The following PHF3 variants were observed in gnomAD, a reference collection of about 807,000 sequenced individuals.
The protein encoded by PHF3 is PHD finger protein 3.
Under a neutral mutation model 178.4 loss-of-function variants are expected in PHF3, and 41 were observed. The ratio of observed to expected loss-of-function variants is 0.23; its 90% confidence interval spans 0.18 to 0.30. The LOEUF (loss-of-function observed/expected upper bound fraction) is 0.30. PHF3 is among the 10% of genes least tolerant of loss of function. PHF3 has a pLI of 1.00. For synonymous variants in PHF3, 842 were observed against 800.5 expected, an observed-to-expected ratio of 1.05 and a Z score of -0.88; for missense variants, 2,346 against 2,398.1, an observed-to-expected ratio of 0.98 and a Z score of 0.45.
Position 63,685,735 on chromosome 6 carries a change from A to G in PHF3, c.2013A>G (p.Gln671=). 1 of 1,613,942 alleles carries G rather than the reference A, an allele frequency of 6.2e-7. No individual in the cohort carries two copies. The highest frequency in any genetic ancestry group is 8.5e-7 in the Non-Finnish European group (1 of 1,180,014). Residue 671 remains glutamine, a synonymous_variant, in exon 4 of 16, where the codon CAA becomes CAG. Coordinates refer to ENST00000262043, the MANE Select transcript of PHF3 (RefSeq NM_001370348.2). ...TGAAAAAACCTGAGAAGAACCTACAACCCCGCCAAAGAAGAAGCAGCAAAA... is the reference window on the plus strand; with the variant it reads ...TGAAAAAACCTGAGAAGAACCTACAGCCCCGCCAAAGAAGAAGCAGCAAAA... ...LKLKKPEKNL[Q]PRQRRSSKSF...
chr6:63,706,241 T>C lies in PHF3; in HGVS notation c.3563+17T>C. The stretch of plus-strand genomic sequence containing the variant: ...TGCTCCACGGTAATTTTCTCTGTTG[T>C]AAATTCTGTAATACTCATTATAGAT... On this transcript the variant is annotated intron_variant, in intron 12 of 15. Coordinates refer to ENST00000262043, the MANE Select transcript of PHF3 (RefSeq NM_001370348.2). 1 of 1,575,904 alleles carries C rather than the reference T, an allele frequency of 6.3e-7. No homozygotes were observed.
chr6:63,701,204 C>T (rs753412364), intron 9 of PHF3, among the ~76,000 whole-genome samples: 6 of 152,174 alleles, frequency 3.9e-5, no homozygotes, highest in East Asian at 3.9e-4. Flanking sequence ...AAGTTATTTT[C>T]GCATAACTAA....
Position 63,713,314 on chromosome 6 carries a change from T to A in PHF3, c.5726T>A (p.Leu1909Gln), listed in dbSNP as rs1466548001. ...TGGGGTAGGCAAGACCAACAGCAAC[T>A]GGATAGGCCATTTAATAGGGGTAAA... is the stretch of plus-strand genomic sequence containing the variant. Reference protein sequence around the residue: ...DPWGRQDQQQLDRPFNRGKGD... With the variant: ...DPWGRQDQQQQDRPFNRGKGD... Residue 1909 changes from leucine to glutamine, a missense_variant, in exon 16 of 16, where the codon CTG (leucine) becomes CAG (glutamine). By Grantham distance (113) the Leu-to-Gln change is moderately radical. Transcript: ENST00000262043. The A allele has an allele frequency of 6.2e-7, 1 of 1,614,016 alleles. No homozygotes were observed. The highest frequency in any genetic ancestry group is 1.1e-5 in the South Asian group (1 of 91,078).
At chr6:63,651,045 C>T (rs894459350) in intron 2 of PHF3, among the ~76,000 whole-genome samples, 2 of 151,998 alleles carry the variant, frequency 1.3e-5, no homozygotes, top group African/African-American at 4.8e-5. Flanking sequence ...TTTTTTAAAG[C>T]TTCTGTGCTT....
At position 63,723,860 on chromosome 6, in the gene PHF3, C is replaced by A. The variant is rs1284834001; in HGVS notation, c.*10152C>A. On this transcript the variant is annotated 3_prime_UTR_variant, in exon 16 of 16. Transcript: ENST00000262043. The stretch of plus-strand genomic sequence containing the variant: ...TTTTGAGACCAGAGTCCTGCTCTGT[C>A]CCCCAAGCTGGAGTGCAATGGTGCA... Among the ~76,000 whole-genome samples, 2 of 150,560 alleles carry A rather than the reference C, an allele frequency of 1.3e-5. No homozygotes were observed. Among genetic ancestry groups the A allele is most frequent in the Non-Finnish European group, 3.0e-5 (2 of 67,716 alleles).
intron 2 of PHF3, among the ~76,000 whole-genome samples, chr6:63,651,743 T>C (rs1765027747): frequency 6.6e-6 from 1 of 152,154 alleles, no homozygotes; most frequent in Non-Finnish European, 1.5e-5. Context: ...TAATCACTAT[T>C]GTACTGTCTA....
Position 63,715,459 on chromosome 6 carries a change from CAATA to C in PHF3, c.*1755_*1758del, listed in dbSNP as rs1768158602. The C allele has an allele frequency of 6.6e-6, 1 of 152,118 alleles. No individual in the cohort carries two copies. Among genetic ancestry groups the C allele is most frequent in the South Asian group, 2.1e-4 (1 of 4,830 alleles). The allele number at this position is 152,118 out of a possible 1,614,324, so 9.4% of individuals were successfully genotyped here. ...TTTCAATTTCAAATGTGTATATCGT[CAATA>C]AATCTACCTTTACTGATATATCTGG... On this transcript the variant is annotated 3_prime_UTR_variant, in exon 16 of 16. Coordinates refer to ENST00000262043, the MANE Select transcript of PHF3 (RefSeq NM_001370348.2).
chr6:63,644,134 A>T (rs1398274417), intron 1 of PHF3, among the ~76,000 whole-genome samples: 1 of 152,162 alleles, frequency 6.6e-6, no homozygotes, highest in Non-Finnish European at 1.5e-5. Flanking sequence ...TTTTCAGTAG[A>T]TTCAGTATAC....
chr6:63,639,664 A>G (rs1764491029), intron 1 of PHF3, among the ~76,000 whole-genome samples: 1 of 152,214 alleles, frequency 6.6e-6, no homozygotes, highest in Non-Finnish European at 1.5e-5. Context: ...TGGGCAAATT[A>G]TGTAATTATC....
chr6:63,703,826 G>A (rs1305689315), intron 11 of PHF3, among the ~76,000 whole-genome samples, 155 bp downstream of exon 11: 7 of 152,150 alleles, frequency 4.6e-5, no homozygotes, highest in African/African-American at 1.7e-4. Context: ...CTGGTTTTCT[G>A]GGTTGAGGTA....
At chr6:63,653,983 A>C in intron 2 of PHF3, among the ~76,000 whole-genome samples, 1 of 152,154 alleles carries the variant, frequency 6.6e-6, no homozygotes, top group East Asian at 1.9e-4. Context: ...GATAAATGCT[A>C]CTTGATTGTG....
chr6:63,665,476 G>GTTTT (rs1469138723), intron 2 of PHF3, among the ~76,000 whole-genome samples: 20 of 108,454 alleles, frequency 1.8e-4, no homozygotes, highest in African/African-American at 7.5e-4. Flanking sequence ...TCGCTTTGTG[G>GTTTT]TTTTTTTTTG....
intron 2 of PHF3, among the ~76,000 whole-genome samples, chr6:63,651,928 C>T (rs1276428840): frequency 6.6e-6 from 1 of 152,088 alleles, no homozygotes; most frequent in African/African-American, 2.4e-5. Flanking sequence ...ATATATACCA[C>T]ATTTTCTTAT....
chr6:63,713,512 C>T lies in PHF3; in HGVS notation c.5924C>T (p.Ser1975Leu). Reference protein sequence around the residue: ...GHKDKERARLSHGDRGTDGKA... With the variant: ...GHKDKERARLLHGDRGTDGKA... ...AAAGATAAAGAGAGGGCACGGTTAT[C>T]ACATGGTGATCGAGGAACAGATGGA... is the stretch of plus-strand genomic sequence containing the variant. The change falls in exon 16 of 16, where the codon TCA becomes TTA. Residue 1975 changes from serine to leucine, a missense_variant. Around this residue, in one of 8 missense-constraint regions of PHF3, gnomAD observed 839 missense variants for 806.9 expected, o/e 1.04. Coordinates refer to ENST00000262043, the MANE Select transcript of PHF3 (RefSeq NM_001370348.2). The T allele has an allele frequency of 6.2e-7, 1 of 1,613,636 alleles. No homozygotes were observed. The highest frequency in any genetic ancestry group is 8.5e-7 in the Non-Finnish European group (1 of 1,179,880).
chr6:63,653,139 G>T (rs1486615811), intron 2 of PHF3, among the ~76,000 whole-genome samples: 1 of 127,228 alleles, frequency 7.9e-6, no homozygotes, highest in Admixed American at 7.6e-5. Context: ...TTTTTGCTCA[G>T]GATTATGTTG....
At position 63,725,610 on chromosome 6, in the gene PHF3, C is replaced by G. The variant is rs887380895; in HGVS notation, c.*11902C>G. The stretch of plus-strand genomic sequence containing the variant: ...CTCAGGAGAACAAATTTCTTCTGAG[C>G]TGTATTTTATAGCTCAATTGTACTT... On this transcript the variant is annotated 3_prime_UTR_variant, in exon 16 of 16. Coordinates refer to ENST00000262043, the MANE Select transcript of PHF3 (RefSeq NM_001370348.2). 6.6e-6 allele frequency among the ~76,000 whole-genome samples: 1 copy of G among 152,024 alleles called. No individual in the cohort carries two copies. Among genetic ancestry groups the G allele is most frequent in the African/African-American group, 2.4e-5 (1 of 41,420 alleles).
intron 2 of PHF3, among the ~76,000 whole-genome samples, chr6:63,648,495 A>G (rs2149541836): frequency 6.6e-6 from 1 of 152,264 alleles, no homozygotes; most frequent in East Asian, 1.9e-4. Flanking sequence ...TACTTATAAA[A>G]TTCCACCCCT....
At chr6:63,708,860 G>T (rs1036458111) in intron 13 of PHF3, among the ~76,000 whole-genome samples, 4 of 152,100 alleles carry the variant, frequency 2.6e-5, no homozygotes, top group African/African-American at 9.7e-5. Flanking sequence ...TTGTTAATGT[G>T]GTATGCTTGC....
At chr6:63,669,889 A>G (rs545588004) in intron 2 of PHF3, among the ~76,000 whole-genome samples, 4 of 152,260 alleles carry the variant, frequency 2.6e-5, no homozygotes, top group African/African-American at 9.6e-5. Flanking sequence ...TTAAGTTATG[A>G]CCTTTACCTA....
Sources: gnomAD v4.1 joint callset for allele counts (sites outside exome capture counted in the v4.1 genomes callset) on GRCh38, gnomAD v4.1.1 for gene constraint, gnomAD v4.1.1 regional missense constraint, MANE v1.5 for transcripts, NCBI Gene and HGNC (gene_info 2026-07-23, HGNC 2026-07-21) for gene names.